Variants in GOLGA7 observed in about 807,000 individuals in gnomAD.
The protein encoded by GOLGA7 is golgin A7.
GOLGA7 carries 10 observed loss-of-function variants against 21.1 expected under a neutral mutation model. That is an observed-to-expected ratio of 0.47 (90% CI 0.29 to 0.80). The LOEUF (loss-of-function observed/expected upper bound fraction) is 0.80, where lower values mean the gene tolerates loss of function less well. GOLGA7 is among the 30% of genes least tolerant of loss of function. GOLGA7 has a pLI of 0.08. For synonymous variants in GOLGA7, 64 were observed against 62.6 expected (o/e 1.02, Z -0.10); for missense variants, 114 against 166.8 (o/e 0.68, Z 1.74).
At chr8:41,499,567 A>G (rs546474459) in intron 2 of GOLGA7, among the ~76,000 whole-genome samples, 1 of 151,890 alleles carries the variant, frequency 6.6e-6, no homozygotes, top group Non-Finnish European at 1.5e-5. Context: ...CCCTGGCCAA[A>G]CTCCACCTGA....
intron 3 of GOLGA7, 92 bp from the exon 4 acceptor site, chr8:41,506,967 G>A (rs17657160): frequency 0.13 from 92,522 of 739,560 alleles, 6,356 homozygotes; most frequent in Non-Finnish European, 0.14. Context: ...CAAACTGAAA[G>A]CAAAGTCTGC....
At chr8:41,507,212 A>G in intron 4 of GOLGA7, 91 bp downstream of exon 4, 1 of 727,490 alleles carries the variant, frequency 1.4e-6, no homozygotes, top group Admixed American at 2.0e-5. Flanking sequence ...AAATCATTAA[A>G]TCACGCAGTT....
At chr8:41,494,933 T>A (rs1805971442) in intron 1 of GOLGA7, among the ~76,000 whole-genome samples, 1 of 152,078 alleles carries the variant, frequency 6.6e-6, no homozygotes, top group Non-Finnish European at 1.5e-5. Context: ...TAAAAGATTA[T>A]GTTCTTGAGG....
rs60072817 is a variant in GOLGA7, at chr8:41,504,137, C to CAAA, written c.265-1772_265-1770dup. ...GAGTATAATAAAAAAAAAAAAAAAA[C>CAAA]AAAACAAAACAAAAAAAAAACTTGC... is the stretch of plus-strand genomic sequence containing the variant. On this transcript the variant is annotated intron_variant, in intron 2 of 4. Transcript: ENST00000357743. Among the ~76,000 whole-genome samples the CAAA allele has an allele frequency of 2.7e-3, 183 of 67,662 alleles. 1 individual carries two copies. The highest frequency in any genetic ancestry group is 7.2e-3 in the African/African-American group (168 of 23,174). The allele number at this position is 67,662 out of a possible 152,430, so 44.4% of individuals were successfully genotyped here.
chr8:41,508,927 A>T (rs150962338), intron 4 of GOLGA7, among the ~76,000 whole-genome samples: 5 of 152,230 alleles, frequency 3.3e-5, no homozygotes, highest in Admixed American at 3.3e-4. Context: ...TTGAAGCAAT[A>T]TGTGGGAATT....
At chr8:41,494,198 G>A (rs988967146) in intron 1 of GOLGA7, among the ~76,000 whole-genome samples, 1 of 152,072 alleles carries the variant, frequency 6.6e-6, no homozygotes, top group African/African-American at 2.4e-5. Flanking sequence ...TTCTGGCTGG[G>A]CATGGTGGTT....
chr8:41,507,003 T>C (rs549575868), intron 3 of GOLGA7, 56 bp from the exon 4 acceptor site: 47 of 835,112 alleles, frequency 5.6e-5, no homozygotes, highest in Non-Finnish European at 9.6e-5. Flanking sequence ...CCTTGCCAAG[T>C]CCCCCTTTGT....
intron 2 of GOLGA7, among the ~76,000 whole-genome samples, chr8:41,505,020 C>T (rs930654439): frequency 6.6e-6 from 1 of 152,132 alleles, no homozygotes; most frequent in African/African-American, 2.4e-5. Flanking sequence ...CTCTTTTGAA[C>T]ATTAGAGCCA....
chr8:41,497,600 G>GT lies in GOLGA7; in HGVS notation c.205dup (p.Cys69LeufsTer19). The stretch of plus-strand genomic sequence containing the variant: ...CTCGGCGGCCAGTCATATCTCGAAG[G>GT]TTGTTTGGCTTGTTTAACAGCATAT... On this transcript the variant is annotated frameshift_variant, in exon 2 of 5. Transcript: ENST00000357743. LOFTEE classifies it high-confidence loss of function. 6.3e-7 allele frequency: 1 copy of GT among 1,585,574 alleles called. No individual in the cohort carries two copies. The highest frequency in any genetic ancestry group is 8.7e-7 in the Non-Finnish European group (1 of 1,154,194).
chr8:41,497,170 A>G (rs561139117), intron 1 of GOLGA7, among the ~76,000 whole-genome samples: 1 of 151,608 alleles, frequency 6.6e-6, no homozygotes, highest in African/African-American at 2.4e-5. Context: ...ACTCTTAAGG[A>G]TTGAGACAGT....
intron 2 of GOLGA7, 149 bp from the exon 3 acceptor site, chr8:41,505,762 G>C: frequency 1.9e-6 from 1 of 514,924 alleles, no homozygotes; most frequent in Non-Finnish European, 3.5e-6. Context: ...ACTCATGTGA[G>C]CCAAGTAATC....
chr8:41,493,581 T>G (rs1206701156), intron 1 of GOLGA7, among the ~76,000 whole-genome samples: 1 of 152,204 alleles, frequency 6.6e-6, no homozygotes, highest in Non-Finnish European at 1.5e-5. Flanking sequence ...GATATCTTAG[T>G]TACCCTTGGT....
In GOLGA7 at chr8:41,490,787, C is replaced by T. The variant is rs112876183; in HGVS notation, c.-68C>T. 23,074 of 856,782 alleles carry T rather than the reference C, an allele frequency of 0.027. 381 individuals are homozygous for T. Among genetic ancestry groups the T allele is most frequent in the Middle Eastern group, 0.058 (174 of 3,018 alleles). The allele number at this position is 856,782 out of a possible 1,614,324, so 53.1% of individuals were successfully genotyped here. Reference sequence around the variant, plus strand: ...GGCTGGCGGGTCAGAGTCCCGGGTCCAGGCCGGGGCTCTGACTCGCGGTTG... The same window carrying T: ...GGCTGGCGGGTCAGAGTCCCGGGTCTAGGCCGGGGCTCTGACTCGCGGTTG... On this transcript the variant is annotated 5_prime_UTR_variant, in exon 1 of 5. Transcript: ENST00000357743.
Position 41,509,502 on chromosome 8 carries a change from A to C in GOLGA7, c.*16-82A>C, listed in dbSNP as rs189420177. 381 of 152,698 alleles carry C rather than the reference A, an allele frequency of 2.5e-3. 2 individuals are homozygous for C. Among genetic ancestry groups the C allele is most frequent in the South Asian group, 4.6e-3 (22 of 4,834 alleles). The allele number at this position is 152,698 out of a possible 1,614,324, so 9.5% of individuals were successfully genotyped here. ...AACATAGACCACATGTTATAAGCTG[A>C]TATCAGTTGATGGAAGAAAAATGGT... On this transcript the variant is annotated intron_variant, in intron 4 of 4. Coordinates refer to ENST00000357743, the MANE Select transcript of GOLGA7 (RefSeq NM_001002296.2).
chr8:41,494,524 G>A (rs757802353), intron 1 of GOLGA7, among the ~76,000 whole-genome samples: 5 of 152,154 alleles, frequency 3.3e-5, no homozygotes, highest in South Asian at 2.1e-4. Context: ...AGGCATTAAC[G>A]TAGGCATAAT....
At chr8:41,507,159 C>G in intron 4 of GOLGA7, 38 bp downstream of exon 4, 1 of 811,838 alleles carries the variant, frequency 1.2e-6, no homozygotes, top group African/African-American at 1.7e-5. Flanking sequence ...GCAGCTTTTG[C>G]AAGTTTAGAG....
rs1806376035 is a variant in GOLGA7 at position 41,509,753 on chromosome 8, CA to C, written c.*186del. On this transcript the variant is annotated 3_prime_UTR_variant, in exon 5 of 5. Transcript: ENST00000357743. The stretch of plus-strand genomic sequence containing the variant: ...CCTGGAGTGACCTCTAGTCGCTCAG[CA>C]TCCACTTTGTGTCTCCAAATTGTGT... 1.3e-5 allele frequency: 2 copies of C among 152,644 alleles called. No individual in the cohort carries two copies. Among genetic ancestry groups the C allele is most frequent in the Non-Finnish European group, 2.9e-5 (2 of 68,044 alleles). The allele number at this position is 152,644 out of a possible 1,614,324, so 9.5% of individuals were successfully genotyped here.
chr8:41,494,888 A>G (rs1465133156), intron 1 of GOLGA7, among the ~76,000 whole-genome samples: 3 of 152,194 alleles, frequency 2.0e-5, no homozygotes, highest in African/African-American at 7.2e-5. Context: ...AAGAGTTGTC[A>G]TAGCTTAAGG....
chr8:41,504,129 AAAAAAAAC>A (rs758394756), intron 2 of GOLGA7, among the ~76,000 whole-genome samples: 3,175 of 145,044 alleles, frequency 0.022, 59 homozygotes, highest in Middle Eastern at 0.056. Context: ...ATAAAAAAAA[AAAAAAAAC>A]AAAACAAAAC....
Sources: allele counts gnomAD v4.1 joint callset (sites outside exome capture counted in the v4.1 genomes callset), GRCh38; gene constraint gnomAD v4.1.1; transcripts MANE v1.5; gene names NCBI Gene and HGNC (gene_info 2026-07-23, HGNC 2026-07-21).